The following RNF2 variants were observed in gnomAD, a reference collection of about 807,000 sequenced individuals.
RNF2 encodes ring finger protein 2.
In RNF2, 6 loss-of-function variants were observed where a neutral mutation model predicts 37.2. The observed-to-expected ratio is 0.16, with a 90% CI of 0.09 to 0.32. The LOEUF is 0.32. RNF2 is among the 10% of genes least tolerant of loss of function. The pLI is 1.00. For missense variants in RNF2, 251 were observed against 404.0 expected, an observed-to-expected ratio of 0.62 and a Z score of 3.25; for synonymous variants, 133 against 132.7, an observed-to-expected ratio of 1.00 and a Z score of -0.02.
intron 1 of RNF2, chr1:185,071,824 C>T (rs1187726067): frequency 6.5e-6 from 1 of 152,916 alleles, no homozygotes; most frequent in Non-Finnish European, 1.5e-5. Context: ...TCAACCTGCC[C>T]TCCCATTCAT....
At chr1:185,045,970 A>C (rs185371628) in intron 1 of RNF2, 4 of 151,082 alleles carry the variant, frequency 2.6e-5, no homozygotes, top group Non-Finnish European at 5.9e-5. Flanking sequence ...CTCTGCGCGG[A>C]GGCCGGCGCT....
chr1:185,052,217 C>T (rs1650292499), intron 1 of RNF2, among the ~76,000 whole-genome samples: 1 of 152,136 alleles, frequency 6.6e-6, no homozygotes, highest in Non-Finnish European at 1.5e-5. Flanking sequence ...CCTCTCCTAC[C>T]ACTAAACCGG....
Position 185,099,876 on chromosome 1 carries a change from A to C in RNF2, c.823A>C (p.Lys275Gln). Residue 275 changes from lysine to glutamine, a missense_variant, in exon 6 of 7, where the codon AAA becomes CAA. Coordinates refer to ENST00000367510, the MANE Select transcript of RNF2 (RefSeq NM_007212.4). The part of the protein sequence containing the change: ...VRLALEELRS[K>Q]GESNQMNLDT... Reference sequence around the variant, plus strand: ...GTTAGCTTTAGAAGAACTTCGAAGCAAAGGTGAATCAAACCAGATGAACCT... The same window carrying C: ...GTTAGCTTTAGAAGAACTTCGAAGCCAAGGTGAATCAAACCAGATGAACCT... 1 of 1,614,178 alleles carries C rather than the reference A, an allele frequency of 6.2e-7. No individual in the cohort carries two copies. Among genetic ancestry groups the C allele is most frequent in the South Asian group, 1.1e-5 (1 of 91,076 alleles).
At position 185,101,068 on chromosome 1, in the gene RNF2, G is replaced by C. The variant is rs1449722126; in HGVS notation, c.*767G>C. The C allele has an allele frequency of 6.6e-6, 1 of 152,420 alleles. No homozygotes were observed. The highest frequency in any genetic ancestry group is 1.5e-5 in the Non-Finnish European group (1 of 67,944). 9.4% of individuals were successfully genotyped at this position (152,420 alleles called of 1,614,324 possible). ...ATAGTCTTCAAGTATACGTTTGAGA[G>C]TGCTTTTTTTTGTATTAGTTCTGCT... On this transcript the variant is annotated 3_prime_UTR_variant, in exon 7 of 7. Coordinates refer to ENST00000367510, the MANE Select transcript of RNF2 (RefSeq NM_007212.4).
At chr1:185,067,692 G>A (rs1571303630) in intron 1 of RNF2, among the ~76,000 whole-genome samples, 1 of 148,194 alleles carries the variant, frequency 6.7e-6, no homozygotes, top group East Asian at 2.0e-4. Context: ...GGATAATTAA[G>A]TAATTTAAAA....
At chr1:185,083,893 C>T (rs992462766) in intron 1 of RNF2, among the ~76,000 whole-genome samples, 8 of 147,074 alleles carry the variant, frequency 5.4e-5, no homozygotes, top group Non-Finnish European at 1.0e-4. Flanking sequence ...AGGTGTGAGC[C>T]ACTGTGCCTG....
At chr1:185,068,858 T>G (rs1020268973) in intron 1 of RNF2, among the ~76,000 whole-genome samples, 18 of 152,356 alleles carry the variant, frequency 1.2e-4, no homozygotes, top group African/African-American at 4.1e-4. Flanking sequence ...CTCACTCATA[T>G]TAAACTATAG....
intron 1 of RNF2, among the ~76,000 whole-genome samples, chr1:185,070,301 C>T (rs1473874610): frequency 6.6e-6 from 1 of 152,204 alleles, no homozygotes; most frequent in Admixed American, 6.5e-5. Context: ...TATGAATCCA[C>T]AGCTAGTGAC....
At chr1:185,064,656 T>C (rs1650746288) in intron 1 of RNF2, among the ~76,000 whole-genome samples, 1 of 151,818 alleles carries the variant, frequency 6.6e-6, no homozygotes, top group Non-Finnish European at 1.5e-5. Context: ...TAACCCCATG[T>C]AGGTCAACGA....
chr1:185,082,888 C>T (rs963741894), intron 1 of RNF2, among the ~76,000 whole-genome samples: 41 of 152,114 alleles, frequency 2.7e-4, no homozygotes, highest in Non-Finnish European at 1.0e-4. Context: ...GTGAGAAATG[C>T]CCATTAAAAT....
intron 6 of RNF2, 54 bp downstream of exon 6, chr1:185,100,016 CTG>C: frequency 6.6e-7 from 1 of 1,509,594 alleles, no homozygotes. Context: ...GACCAACTAA[CTG>C]AGTGGCAAGT....
Position 185,087,574 on chromosome 1 carries a change from A to T in RNF2, c.21A>T (p.Thr7=). 1 of 1,614,194 alleles carries T rather than the reference A, an allele frequency of 6.2e-7. No individual in the cohort carries two copies. Among genetic ancestry groups the T allele is most frequent in the East Asian group, 2.2e-5 (1 of 44,888 alleles). Residue 7 remains threonine, a synonymous_variant, in exon 2 of 7, where the codon ACA becomes ACT. Transcript: ENST00000367510. The stretch of plus-strand genomic sequence containing the variant: ...CAGCAATGTCTCAGGCTGTGCAGAC[A>T]AACGGAACTCAACCATTAAGCAAAA... MSQAVQ[T]NGTQPLSKTW...
intron 1 of RNF2, among the ~76,000 whole-genome samples, chr1:185,051,727 A>G (rs1571290666): frequency 7.3e-6 from 1 of 137,032 alleles, no homozygotes; most frequent in Admixed American, 7.4e-5. Context: ...CCCCTCCTTA[A>G]CTAATTCTTT....
chr1:185,059,753 A>G (rs1189652888), intron 1 of RNF2, among the ~76,000 whole-genome samples: 1 of 152,212 alleles, frequency 6.6e-6, no homozygotes, highest in Non-Finnish European at 1.5e-5. Flanking sequence ...TATTTTCCAC[A>G]ACTGGGATTA....
chr1:185,065,293 A>G (rs1571301903), intron 1 of RNF2, among the ~76,000 whole-genome samples: 2 of 152,294 alleles, frequency 1.3e-5, no homozygotes, highest in East Asian at 1.9e-4. Flanking sequence ...AAATGGACCA[A>G]TCAGCACTCT....
At chr1:185,080,241 T>G (rs1452331108) in intron 1 of RNF2, among the ~76,000 whole-genome samples, 1 of 152,200 alleles carries the variant, frequency 6.6e-6, no homozygotes, top group Non-Finnish European at 1.5e-5. Flanking sequence ...GACTCTCAGA[T>G]ATTGTTCATT....
chr1:185,047,341 A>G (rs936862475), intron 1 of RNF2, among the ~76,000 whole-genome samples: 4 of 152,264 alleles, frequency 2.6e-5, no homozygotes, highest in Admixed American at 1.3e-4. Flanking sequence ...AATGTAGACC[A>G]TGCAGACTTT....
At chr1:185,099,629 A>G (rs924651119) in intron 5 of RNF2, among the ~76,000 whole-genome samples, 162 bp from the exon 6 acceptor site, 1 of 152,204 alleles carries the variant, frequency 6.6e-6, no homozygotes, top group Non-Finnish European at 1.5e-5. Context: ...ATCAATAAGA[A>G]ATTTAGATTG....
At chr1:185,050,472 T>G (rs771263184) in intron 1 of RNF2, among the ~76,000 whole-genome samples, 25 of 152,258 alleles carry the variant, frequency 1.6e-4, no homozygotes, top group Non-Finnish European at 3.5e-4. Context: ...TGTCTCAATT[T>G]CGTCACATAA....
Sources: gnomAD v4.1 joint callset for allele counts (sites outside exome capture counted in the v4.1 genomes callset) on GRCh38, gnomAD v4.1.1 for gene constraint, MANE v1.5 for transcripts, NCBI Gene and HGNC (gene_info 2026-07-23, HGNC 2026-07-21) for gene names.